Variants in SHC4 observed in about 807,000 individuals in gnomAD.
SHC4 encodes the protein SHC-transforming protein 4.
In SHC4, 41 loss-of-function variants were observed where a neutral mutation model predicts 69.4. The observed-to-expected ratio is 0.59, with a 90% CI of 0.46 to 0.77. SHC4 has a LOEUF of 0.77. Among genes scored for constraint, SHC4 ranks in the 30% least tolerant of loss-of-function variants. SHC4 has a pLI of 0.00. For missense variants in SHC4, 777 were observed against 783.8 expected (o/e 0.99, Z 0.10); for synonymous variants, 318 against 299.3 (o/e 1.06, Z -0.64).
intron 1 of SHC4, among the ~76,000 whole-genome samples, chr15:48,926,673 G>A (rs779761863): frequency 3.3e-5 from 5 of 152,106 alleles, no homozygotes; most frequent in Admixed American, 1.3e-4. Flanking sequence ...ATGTTGGCCA[G>A]GCTGGTCTTA....
At chr15:48,841,579 A>G (rs910658564) in intron 10 of SHC4, among the ~76,000 whole-genome samples, 1 of 152,164 alleles carries the variant, frequency 6.6e-6, no homozygotes, top group African/African-American at 2.4e-5. Flanking sequence ...ATGGGGCTAT[A>G]TACGCTCAGC....
At chr15:48,957,635 C>T (rs1901476827) in intron 1 of SHC4, among the ~76,000 whole-genome samples, 1 of 152,142 alleles carries the variant, frequency 6.6e-6, no homozygotes, top group East Asian at 1.9e-4. Context: ...CCAAGAAGGC[C>T]CATGTGAGCA....
At chr15:48,886,707 C>T (rs1260644968) in intron 3 of SHC4, among the ~76,000 whole-genome samples, 2 of 152,128 alleles carry the variant, frequency 1.3e-5, no homozygotes, top group African/African-American at 4.8e-5. Context: ...TATGGAAATG[C>T]ATAGTATACA....
intron 2 of SHC4, among the ~76,000 whole-genome samples, chr15:48,894,009 G>A (rs1204443100): frequency 6.6e-6 from 1 of 152,200 alleles, no homozygotes. Context: ...GGAGAAGCCT[G>A]TATTGGGATA....
intron 1 of SHC4, among the ~76,000 whole-genome samples, chr15:48,940,995 G>A (rs553009370): frequency 6.6e-6 from 1 of 152,296 alleles, no homozygotes; most frequent in African/African-American, 2.4e-5. Context: ...CTGGAGCAGT[G>A]AATTCTGACT....
intron 4 of SHC4, among the ~76,000 whole-genome samples, chr15:48,874,410 T>G (rs1011954920): frequency 1.3e-5 from 2 of 152,150 alleles, no homozygotes; most frequent in Non-Finnish European, 2.9e-5. Flanking sequence ...GGAACCGGGC[T>G]GCAGAGGAGG....
chr15:48,891,548 T>C (rs1244647630), intron 2 of SHC4, among the ~76,000 whole-genome samples: 1 of 152,262 alleles, frequency 6.6e-6, no homozygotes, highest in Non-Finnish European at 1.5e-5. Flanking sequence ...TCTGGGACTC[T>C]GAGCATTCAT....
chr15:48,888,052 A>T (rs964572479), intron 3 of SHC4, among the ~76,000 whole-genome samples: 1 of 152,200 alleles, frequency 6.6e-6, no homozygotes, highest in Non-Finnish European at 1.5e-5. Flanking sequence ...AGAAAACAGT[A>T]TGGCAGTTCC....
At chr15:48,852,048 T>C (rs747405582) in intron 8 of SHC4, among the ~76,000 whole-genome samples, 17 of 152,210 alleles carry the variant, frequency 1.1e-4, no homozygotes, top group Non-Finnish European at 2.4e-4. Flanking sequence ...GTGCCATCAA[T>C]AAACCTGAGT....
At chr15:48,950,060 T>G (rs1477929132) in intron 1 of SHC4, among the ~76,000 whole-genome samples, 4 of 140,484 alleles carry the variant, frequency 2.8e-5, no homozygotes, top group African/African-American at 1.0e-4. Context: ...AATATATTTA[T>G]TAACATACAA....
intron 4 of SHC4, chr15:48,880,089 T>C (rs1899911545): frequency 6.0e-6 from 1 of 167,118 alleles, no homozygotes; most frequent in Non-Finnish European, 1.5e-5. Context: ...AAAATAAGTG[T>C]ATCAGCAGGT....
chr15:48,927,058 G>A (rs1253611824), intron 1 of SHC4, among the ~76,000 whole-genome samples: 1 of 152,134 alleles, frequency 6.6e-6, no homozygotes, highest in Non-Finnish European at 1.5e-5. Context: ...TGTGTCTAGA[G>A]ATTTCTCTTC....
chr15:48,872,105 G>A lies in SHC4; in HGVS notation c.878C>T (p.Ala293Val). Reference protein sequence around the residue: ...ANHHMQSISFASGGDPDTTDY... With the variant: ...ANHHMQSISFVSGGDPDTTDY... ...CATACTTACAGGATCCCCTCCAGAG[G>A]CAAATGAAATAGACTGCATATGATG... The change falls in exon 5 of 12, where the codon GCC becomes GTC. Residue 293 changes from alanine (A) to valine (V), a missense_variant. Coordinates refer to ENST00000332408, the MANE Select transcript of SHC4 (RefSeq NM_203349.4). The A allele has an allele frequency of 3.1e-6, 5 of 1,594,184 alleles. No homozygotes were observed. The highest frequency in any genetic ancestry group is 4.3e-6 in the Non-Finnish European group (5 of 1,167,182).
intron 2 of SHC4, among the ~76,000 whole-genome samples, chr15:48,915,281 A>T (rs1465297888): frequency 4.6e-5 from 7 of 152,254 alleles, no homozygotes; most frequent in Non-Finnish European, 8.8e-5. Context: ...ATTGGCTTTC[A>T]TACCCTCTCT....
intron 10 of SHC4, among the ~76,000 whole-genome samples, chr15:48,837,496 C>T (rs537321379): frequency 6.6e-6 from 1 of 152,188 alleles, no homozygotes; most frequent in South Asian, 2.1e-4. Context: ...TTATCTTGCT[C>T]CTTTTCTAAT....
At chr15:48,894,306 C>G (rs1239288355) in intron 2 of SHC4, among the ~76,000 whole-genome samples, 1 of 151,992 alleles carries the variant, frequency 6.6e-6, no homozygotes, top group Admixed American at 6.5e-5. Flanking sequence ...CTGATTCTAC[C>G]GATGTTTAGA....
At chr15:48,957,107 AG>A (rs1901469926) in intron 1 of SHC4, among the ~76,000 whole-genome samples, 1 of 150,742 alleles carries the variant, frequency 6.6e-6, no homozygotes. Context: ...CCTCCCAAGT[AG>A]CTGGGAGTAC....
At chr15:48,920,001 AGTTCACG>A in intron 2 of SHC4, among the ~76,000 whole-genome samples, 1 of 150,634 alleles carries the variant, frequency 6.6e-6, no homozygotes, top group African/African-American at 2.4e-5. Flanking sequence ...TAGGCCTACA[AGTTCACG>A]GAGTTTGTTT....
chr15:48,959,984 G>A (rs931348273), intron 1 of SHC4, among the ~76,000 whole-genome samples: 3 of 152,178 alleles, frequency 2.0e-5, no homozygotes, highest in African/African-American at 4.8e-5. Flanking sequence ...TGAGTCTTCC[G>A]TCTTTCAAAG....
Sources: allele counts gnomAD v4.1 joint callset (sites outside exome capture counted in the v4.1 genomes callset), GRCh38; gene constraint gnomAD v4.1.1; transcripts MANE v1.5; gene names NCBI Gene and HGNC (gene_info 2026-07-23, HGNC 2026-07-21).